The following PREPL variants were observed in gnomAD, a reference collection of about 807,000 sequenced individuals.
PREPL encodes the protein prolyl endopeptidase like.
A neutral mutation model predicts 70.6 loss-of-function variants in PREPL; 77 were observed. The observed-to-expected ratio is 1.09, with a 90% CI of 0.91 to 1.32. The LOEUF (loss-of-function observed/expected upper bound fraction) is 1.32. Among genes scored for constraint, PREPL ranks in the 40% most tolerant of loss-of-function variants. The probability of loss-of-function intolerance (pLI) is 0.00; values close to 1 mark genes in which losing one functional copy is unlikely to be tolerated. For missense variants in PREPL, 1,002 were observed against 778.2 expected, an observed-to-expected ratio of 1.29 and a Z score of -3.42; for synonymous variants, 315 against 264.8, an observed-to-expected ratio of 1.19 and a Z score of -1.84.
At chr2:44,359,323 G>A (rs112746714) in intron 1 of PREPL, among the ~76,000 whole-genome samples, 2 of 151,946 alleles carry the variant, frequency 1.3e-5, no homozygotes, top group African/African-American at 2.4e-5. Context: ...CTGCCTCGAT[G>A]TATATACTCT....
chr2:44,346,248 A>G lies in PREPL; in HGVS notation c.75+20T>C, dbSNP rs1472476859. ...TTGGTAATATCAAAAATTTTTTTTT[A>G]AAGACATGAGATATCTTACTTCCAC... is the stretch of plus-strand genomic sequence containing the variant. On this transcript the variant is annotated intron_variant, in intron 2 of 13. Transcript: ENST00000409411. The G allele has an allele frequency of 4.4e-6, 7 of 1,575,252 alleles. No individual in the cohort carries two copies. Among genetic ancestry groups the G allele is most frequent in the South Asian group, 2.3e-5 (2 of 85,666 alleles).
chr2:44,328,438 C>CAAAAAA (rs1194898905), intron 9 of PREPL, among the ~76,000 whole-genome samples: 852 of 59,176 alleles, frequency 0.014, 1 homozygote, highest in Non-Finnish European at 0.016. Flanking sequence ...CTGTCTCAAA[C>CAAAAAA]AAAAAAAAAA....
chr2:44,320,009 G>C lies in PREPL; in HGVS notation c.*1347C>G. ...TGACTCCCAGACAAGCCGAAACCCC[G>C]AATTTGTCATTTCTATCAGTTTTTA... On this transcript the variant is annotated 3_prime_UTR_variant, in exon 14 of 14. Transcript: ENST00000409411. 2 of 591,264 alleles carry C rather than the reference G, an allele frequency of 3.4e-6. No individual in the cohort carries two copies. The highest frequency in any genetic ancestry group is 4.1e-5 in the South Asian group (2 of 48,734). 36.6% of individuals were successfully genotyped at this position (591,264 alleles called of 1,614,324 possible). A position where few individuals can be genotyped will look rare whatever the true frequency, so the allele number is the denominator to read the frequency against.
At chr2:44,353,858 T>C (rs187667098) in intron 1 of PREPL, among the ~76,000 whole-genome samples, 1 of 151,480 alleles carries the variant, frequency 6.6e-6, no homozygotes, top group Non-Finnish European at 1.5e-5. Flanking sequence ...ATAAACAAAA[T>C]GAACTCAAAA....
In PREPL at chr2:44,351,472, C is replaced by T. The variant is rs146295953; in HGVS notation, c.-48-5082G>A. The stretch of plus-strand genomic sequence containing the variant: ...GATGTCTAATATGCCAAAAAATGTC[C>T]GAATCTGAACTTTAAATCTCCCCAT... On this transcript the variant is annotated intron_variant, in intron 1 of 13. Coordinates refer to ENST00000409411, the MANE Select transcript of PREPL (RefSeq NM_001171613.2). 1.0e-3 allele frequency among the ~76,000 whole-genome samples: 151 copies of T among 151,522 alleles called. 1 individual carries two copies. The East Asian group carries it at 0.021, about 21-fold the overall frequency.
intron 1 of PREPL, among the ~76,000 whole-genome samples, chr2:44,354,939 C>T (rs967272442): frequency 6.6e-6 from 1 of 152,144 alleles, no homozygotes; most frequent in Non-Finnish European, 1.5e-5. Context: ...ATAAGTCCAT[C>T]TGAAACATAA....
At chr2:44,342,046 T>C (rs1675282212) in intron 5 of PREPL, among the ~76,000 whole-genome samples, 1 of 152,190 alleles carries the variant, frequency 6.6e-6, no homozygotes, top group African/African-American at 2.4e-5. Context: ...CAATAGATAC[T>C]GACTAAATAG....
intron 1 of PREPL, among the ~76,000 whole-genome samples, chr2:44,358,270 GA>G (rs1677264828): frequency 6.6e-6 from 1 of 152,138 alleles, no homozygotes; most frequent in African/African-American, 2.4e-5. Flanking sequence ...GATGAACTTT[GA>G]AAGCCACTGA....
chr2:44,340,593 A>C (rs1675106839), intron 5 of PREPL, among the ~76,000 whole-genome samples: 1 of 152,062 alleles, frequency 6.6e-6, no homozygotes, highest in South Asian at 2.1e-4. Context: ...TTAAACTTTG[A>C]ATGTAGCTTA....
intron 1 of PREPL, among the ~76,000 whole-genome samples, chr2:44,357,655 T>C (rs1677192252): frequency 6.6e-6 from 1 of 152,222 alleles, no homozygotes; most frequent in Admixed American, 6.5e-5. Flanking sequence ...ATAGTCAACC[T>C]TCTGTTTAGA....
At position 44,320,419 on chromosome 2, in the gene PREPL, G is replaced by A. The variant is rs1417157123; in HGVS notation, c.*937C>T. ...TTAAATCTACATAATATGATTTCGG[G>A]CCTTCCCGCTAAAATGAGAATAAGG... is the stretch of plus-strand genomic sequence containing the variant. On this transcript the variant is annotated 3_prime_UTR_variant, in exon 14 of 14. Coordinates refer to ENST00000409411, the MANE Select transcript of PREPL (RefSeq NM_001171613.2). 2 of 1,613,984 alleles carry A rather than the reference G, an allele frequency of 1.2e-6. No homozygotes were observed. The highest frequency in any genetic ancestry group is 1.7e-6 in the Non-Finnish European group (2 of 1,179,906).
At position 44,320,241 on chromosome 2, in the gene PREPL, G is replaced by A. The variant is rs1418838313; in HGVS notation, c.*1115C>T. On this transcript the variant is annotated 3_prime_UTR_variant, in exon 14 of 14. Coordinates refer to ENST00000409411, the MANE Select transcript of PREPL (RefSeq NM_001171613.2). ...CAGATCGGCTTTGAAGTTATATCAA[G>A]ATTTAAGTCTACTTCATGCCAATGA... The A allele has an allele frequency of 6.2e-7, 1 of 1,613,918 alleles. No individual in the cohort carries two copies. Among genetic ancestry groups the A allele is most frequent in the Admixed American group, 1.7e-5 (1 of 59,970 alleles).
Position 44,339,890 on chromosome 2 carries a change from C to A in PREPL, c.486-527G>T, listed in dbSNP as rs562847078. Among the ~76,000 whole-genome samples, 641 of 151,892 alleles carry A rather than the reference C, an allele frequency of 4.2e-3. 1 individual carries two copies. Among genetic ancestry groups the A allele is most frequent in the African/African-American group, 0.015 (608 of 41,440 alleles). On this transcript the variant is annotated intron_variant, in intron 5 of 13. Transcript: ENST00000409411. The stretch of plus-strand genomic sequence containing the variant: ...ATTTTGGATTTTTTTTTCCTTTCTC[C>A]CAGTTTTTACAACAAAATAGAATAG...
At chr2:44,325,815 G>C (rs1487455506) in intron 10 of PREPL, among the ~76,000 whole-genome samples, 3 of 152,092 alleles carry the variant, frequency 2.0e-5, no homozygotes, top group African/African-American at 7.2e-5. Context: ...TCCCATCTCA[G>C]TCATTATTTT....
Position 44,319,421 on chromosome 2 carries a change from AAC to A in PREPL, c.*1933_*1934del, listed in dbSNP as rs1170741131. 2.0e-5 allele frequency: 3 copies of A among 152,570 alleles called. No homozygotes were observed. Among genetic ancestry groups the A allele is most frequent in the African/African-American group, 7.2e-5 (3 of 41,468 alleles). 9.5% of individuals were successfully genotyped at this position (152,570 alleles called of 1,614,324 possible). A position where few individuals can be genotyped will look rare whatever the true frequency, so the allele number is the denominator to read the frequency against. ...GGGAATAAAAATACAAAATATTAGA[AAC>A]ACTATCGTCAAAATGAAAGGGCATG... On this transcript the variant is annotated 3_prime_UTR_variant, in exon 14 of 14. Transcript: ENST00000409411.
At chr2:44,344,134 T>C (rs561250527) in intron 3 of PREPL, among the ~76,000 whole-genome samples, 183 bp from the exon 4 acceptor site, 2 of 152,218 alleles carry the variant, frequency 1.3e-5, no homozygotes, top group Admixed American at 1.3e-4. Flanking sequence ...TATTACCTTA[T>C]ACTATTCAAT....
chr2:44,355,402 A>C (rs1436228105), intron 1 of PREPL, among the ~76,000 whole-genome samples: 1 of 152,150 alleles, frequency 6.6e-6, no homozygotes, highest in Non-Finnish European at 1.5e-5. Flanking sequence ...TAAAAAAATT[A>C]GCTGGGTGTG....
rs1316859138 is a variant in PREPL at position 44,329,098 on chromosome 2, C to A, written c.1101G>T (p.Val367=). The change falls in exon 9 of 14, where the codon GTG becomes GTT. Residue 367 remains valine, a synonymous_variant. Transcript: ENST00000409411. ...LEAKSKDGKL[V]PMTVFHKTDS... is the part of the protein sequence containing the mutation. ...CAGTTTTGTGGAAAACAGTCATTGG[C>A]ACTAATTTTCCATCCTAGAAATGAA... 1.9e-6 allele frequency: 3 copies of A among 1,598,588 alleles called. No individual in the cohort carries two copies. The Admixed American group carries it at 5.1e-5, about 27-fold the overall frequency.
rs6758630 is a variant in PREPL, at chr2:44,348,939, T to C, written c.-48-2549A>G. On this transcript the variant is annotated intron_variant, in intron 1 of 13. Transcript: ENST00000409411. Reference sequence around the variant, plus strand: ...CGTACACAGCTAAAGCCATCCATTTTAGCCAGGTATCTTAGTCCAGTTGTT... The same window carrying C: ...CGTACACAGCTAAAGCCATCCATTTCAGCCAGGTATCTTAGTCCAGTTGTT... 9.3e-3 allele frequency among the ~76,000 whole-genome samples: 1,411 copies of C among 152,324 alleles called. 21 individuals are homozygous for C. Among genetic ancestry groups the C allele is most frequent in the African/African-American group, 0.032 (1,332 of 41,574 alleles).
Sources: gnomAD v4.1 joint callset for allele counts (sites outside exome capture counted in the v4.1 genomes callset) on GRCh38, gnomAD v4.1.1 for gene constraint, MANE v1.5 for transcripts, NCBI Gene and HGNC (gene_info 2026-07-23, HGNC 2026-07-21) for gene names.